Variants in DSCAML1 observed in about 807,000 individuals in gnomAD.
The protein encoded by DSCAML1 is cell adhesion molecule DSCAML1.
A neutral mutation model predicts 200.5 loss-of-function variants in DSCAML1; 38 were observed. The ratio of observed to expected loss-of-function variants is 0.19; its 90% CI spans 0.15 to 0.25. DSCAML1 has a LOEUF of 0.25. DSCAML1 is among the 10% of genes least tolerant of loss of function. The pLI, the probability that DSCAML1 is intolerant of heterozygous loss-of-function variation, is 1.00. For missense variants in DSCAML1, 2,223 were observed against 2,858.8 expected (o/e 0.78, Z 5.07); for synonymous variants, 1,215 against 1,165.0 (o/e 1.04, Z -0.87).
intron 3 of DSCAML1, among the ~76,000 whole-genome samples, chr11:117,549,636 T>C (rs754261189): frequency 3.3e-5 from 5 of 152,186 alleles, no homozygotes; most frequent in Non-Finnish European, 7.3e-5. Flanking sequence ...AAACGATTGC[T>C]CTCATGATTA....
chr11:117,776,299 G>C (rs146540900), intron 3 of DSCAML1, among the ~76,000 whole-genome samples: 1 of 152,172 alleles, frequency 6.6e-6, no homozygotes, highest in African/African-American at 2.4e-5. Context: ...ACTCATTCAA[G>C]AAGGGAAGAA....
In DSCAML1 at chr11:117,463,442, GC is replaced by G. The variant is rs542135062; in HGVS notation, c.3265+1499del. ...CCCGGATTAGAAATGAACATTCTTGGCCCCCACCTCAGACCTGCTTGAAGCA... is the reference window on the plus strand; with the variant it reads ...CCCGGATTAGAAATGAACATTCTTGGCCCCACCTCAGACCTGCTTGAAGCA... On this transcript the variant is annotated intron_variant, in intron 17 of 32. Transcript: ENST00000651296. This position sits in a 1 kb window ranked among gnomAD's most constrained non-coding sequence, Gnocchi z 4.0. 2.4e-3 allele frequency among the ~76,000 whole-genome samples: 358 copies of G among 151,576 alleles called. 1 individual carries two copies. The highest frequency in any genetic ancestry group is 8.3e-3 in the African/African-American group (343 of 41,242).
Position 117,450,592 on chromosome 11 carries a change from C to A in DSCAML1, c.3665G>T (p.Arg1222Leu). Residue 1222 changes from arginine (R) to leucine (L), a missense_variant, in exon 20 of 33, where the codon CGC becomes CTC. Transcript: ENST00000651296. ...LPPTKPNGVI[R>L]KYTIFCSSPG... ...GCTGGAACAGAAGATGGTGTACTTG[C>A]GGATCACCCCGTTGGGCTTGGTAGG... The A allele has an allele frequency of 6.2e-7, 1 of 1,614,206 alleles. No homozygotes were observed. Among genetic ancestry groups the A allele is most frequent in the Non-Finnish European group, 8.5e-7 (1 of 1,180,042 alleles).
Position 117,516,106 on chromosome 11 carries a change from G to A in DSCAML1, c.1783+361C>T, listed in dbSNP as rs2049760306. Among the ~76,000 whole-genome samples, 1 of 152,160 alleles carries A rather than the reference G, an allele frequency of 6.6e-6. No individual in the cohort carries two copies. Among genetic ancestry groups the A allele is most frequent in the East Asian group, 1.9e-4 (1 of 5,184 alleles). On this transcript the variant is annotated intron_variant, in intron 8 of 32. Transcript: ENST00000651296. This position sits in a 1 kb window ranked among gnomAD's most constrained non-coding sequence, Gnocchi z 5.7. The stretch of plus-strand genomic sequence containing the variant: ...TGTGGCCTCCTTGTGTGGGCCCGCT[G>A]AGCTCCTGGGGGCTCCATCCCAACA...
intron 11 of DSCAML1, among the ~76,000 whole-genome samples, chr11:117,483,053 C>T (rs1312138503): frequency 6.6e-6 from 1 of 152,212 alleles, no homozygotes; most frequent in Non-Finnish European, 1.5e-5. Context: ...TCATCGGAAG[C>T]CCCCGTCCCT....
intron 1 of DSCAML1, among the ~76,000 whole-genome samples, chr11:117,785,186 TC>T (rs1392029082): frequency 2.0e-5 from 3 of 152,160 alleles, no homozygotes; most frequent in South Asian, 2.1e-4. Context: ...GGCTCCACCT[TC>T]CAGGAGCTTG....
At chr11:117,676,381 A>G (rs2053212812) in intron 3 of DSCAML1, among the ~76,000 whole-genome samples, 1 of 152,192 alleles carries the variant, frequency 6.6e-6, no homozygotes, top group Non-Finnish European at 1.5e-5. Context: ...CAACATCTCA[A>G]CTGTACTTCA....
At chr11:117,674,062 C>T (rs1036741022) in intron 3 of DSCAML1, among the ~76,000 whole-genome samples, 2 of 152,218 alleles carry the variant, frequency 1.3e-5, no homozygotes, top group African/African-American at 4.8e-5. Flanking sequence ...ACCTTGCATG[C>T]CTTCGGTAGA....
intron 6 of DSCAML1, among the ~76,000 whole-genome samples, chr11:117,519,562 G>GTAA (rs2049848631): frequency 6.6e-6 from 1 of 152,206 alleles, no homozygotes; most frequent in Non-Finnish European, 1.5e-5. Flanking sequence ...GCTTATGCTT[G>GTAA]TAATCTCAGC....
intron 6 of DSCAML1, 103 bp downstream of exon 6, chr11:117,521,027 C>G: frequency 6.7e-7 from 1 of 1,490,596 alleles, no homozygotes; most frequent in Non-Finnish European, 9.1e-7. Flanking sequence ...GTGTAGTGAG[C>G]GCTGGTTTAA....
rs556160545 is a variant in DSCAML1, at chr11:117,557,080, T to C, written c.512-24558A>G. Among the ~76,000 whole-genome samples, 4 of 152,268 alleles carry C rather than the reference T, an allele frequency of 2.6e-5. No homozygotes were observed. In the South Asian group the frequency reaches 8.3e-4, roughly 32 times the overall value. On this transcript the variant is annotated intron_variant, in intron 3 of 32. Coordinates refer to ENST00000651296, the MANE Select transcript of DSCAML1 (RefSeq NM_020693.4). ...GATCTTGGGTGAGGGATCTTTCCAA[T>C]AGCCATAAAGGGATTCTTCTGAGCA...
intron 3 of DSCAML1, among the ~76,000 whole-genome samples, chr11:117,634,852 C>T (rs1433793810): frequency 6.6e-6 from 1 of 152,184 alleles, no homozygotes; most frequent in South Asian, 2.1e-4. Context: ...CTTTCTTTTC[C>T]TGGTCCCAGA....
rs180691778 is a variant in DSCAML1, at chr11:117,793,450, T to C, written c.46+3584A>G. Among the ~76,000 whole-genome samples the C allele has an allele frequency of 3.8e-3, 579 of 152,252 alleles. 3 individuals carry two copies. Among genetic ancestry groups the C allele is most frequent in the Non-Finnish European group, 6.2e-3 (423 of 68,000 alleles). ...CTCTTCATCTACAATTAAATCATCC[T>C]TCACCAGCCAGAGCAGGGTACCAAG... On this transcript the variant is annotated intron_variant, in intron 1 of 32. Transcript: ENST00000651296.
At position 117,740,683 on chromosome 11, in the gene DSCAML1, G is replaced by C. The variant is rs138850577; in HGVS notation, c.511+36108C>G. 2.4e-4 allele frequency among the ~76,000 whole-genome samples: 37 copies of C among 152,324 alleles called. No individual in the cohort carries two copies. In the East Asian group the frequency reaches 6.6e-3, roughly 27 times the overall value. On this transcript the variant is annotated intron_variant, in intron 3 of 32. Coordinates refer to ENST00000651296, the MANE Select transcript of DSCAML1 (RefSeq NM_020693.4). Reference sequence around the variant, plus strand: ...CCACACCGTTGACTCCAGCCACCTAGCAAATGTTGAGAAGGGACAAGCCTC... The same window carrying C: ...CCACACCGTTGACTCCAGCCACCTACCAAATGTTGAGAAGGGACAAGCCTC...
At chr11:117,694,370 C>T (rs1346374780) in intron 3 of DSCAML1, among the ~76,000 whole-genome samples, 2 of 151,282 alleles carry the variant, frequency 1.3e-5, no homozygotes, top group South Asian at 2.1e-4. Context: ...AGCACCACTC[C>T]ACTCTAGCCT....
chr11:117,549,353 C>T (rs1367104586), intron 3 of DSCAML1, among the ~76,000 whole-genome samples: 2 of 152,176 alleles, frequency 1.3e-5, no homozygotes, highest in South Asian at 2.1e-4. Context: ...ACAACACCTT[C>T]GAGATGGTGC....
At chr11:117,810,026 A>G (rs1205687761) in intron 1 of DSCAML1, among the ~76,000 whole-genome samples, 1 of 149,692 alleles carries the variant, frequency 6.7e-6, no homozygotes, top group African/African-American at 2.5e-5. Context: ...CACATATTCA[A>G]ATATTTTCAC....
At chr11:117,685,705 A>G (rs934491086) in intron 3 of DSCAML1, among the ~76,000 whole-genome samples, 36 of 152,184 alleles carry the variant, frequency 2.4e-4, no homozygotes, top group Non-Finnish European at 2.6e-4. Context: ...TTCCAGTGGT[A>G]GCTCAAACTC....
chr11:117,759,043 A>C (rs1283365828), intron 3 of DSCAML1, among the ~76,000 whole-genome samples: 1 of 152,150 alleles, frequency 6.6e-6, no homozygotes, highest in East Asian at 1.9e-4. Flanking sequence ...TCCTCTTTGT[A>C]AACTCTGGCG....
Sources: allele counts gnomAD v4.1 joint callset (sites outside exome capture counted in the v4.1 genomes callset), GRCh38; gene constraint gnomAD v4.1.1; non-coding constraint Gnocchi (gnomAD v3.1); transcripts MANE v1.5; gene names NCBI Gene and HGNC (gene_info 2026-07-23, HGNC 2026-07-21).